The following FBP2 variants were observed in gnomAD, a reference collection of about 807,000 sequenced individuals.
FBP2 encodes fructose-1,6-bisphosphatase isozyme 2.
Under a neutral mutation model 31.6 loss-of-function variants are expected in FBP2, and 27 were observed. The ratio of observed to expected loss-of-function variants is 0.85; its 90% CI spans 0.63 to 1.18. FBP2 has a LOEUF of 1.18. Ranked by LOEUF, FBP2 falls within the 50% of genes most tolerant of loss-of-function variation. FBP2 has a pLI of 0.00. For synonymous variants in FBP2, 168 were observed against 179.8 expected, an observed-to-expected ratio of 0.93 and a Z score of 0.53; for missense variants, 421 against 436.1, an observed-to-expected ratio of 0.97 and a Z score of 0.31.
chr9:94,588,817 G>A (rs1427655246), intron 1 of FBP2, among the ~76,000 whole-genome samples: 2 of 151,086 alleles, frequency 1.3e-5, no homozygotes, highest in Admixed American at 6.6e-5. Flanking sequence ...CTCTGCGCCC[G>A]GGTTGGCATG....
chr9:94,565,152 T>A (rs1465527641), intron 5 of FBP2, among the ~76,000 whole-genome samples: 1 of 152,104 alleles, frequency 6.6e-6, no homozygotes, highest in Non-Finnish European at 1.5e-5. Flanking sequence ...GGCAGGTGGA[T>A]CACCTGTGGT....
At chr9:94,581,657 C>T (rs663385) in intron 3 of FBP2, among the ~76,000 whole-genome samples, 136,769 of 152,224 alleles carry the variant, frequency 0.9, 61,534 homozygotes, top group Non-Finnish European at 0.92. Flanking sequence ...ATACTGCCCC[C>T]GGAATACCTT....
chr9:94,567,429 C>T, intron 4 of FBP2, 22 bp from the exon 5 acceptor site: 1 of 1,607,310 alleles, frequency 6.2e-7, no homozygotes, highest in Non-Finnish European at 8.5e-7. Flanking sequence ...AAGAGAGATG[C>T]CAGGAAGAAG....
chr9:94,573,108 T>C (rs529097810), intron 3 of FBP2: 1 of 152,358 alleles, frequency 6.6e-6, no homozygotes, highest in East Asian at 1.9e-4. Flanking sequence ...CAGGATTACA[T>C]ATGTTGGGTA....
Position 94,593,803 on chromosome 9 carries a change from T to C in FBP2, c.-77A>G. 6.7e-7 allele frequency: 1 copy of C among 1,502,798 alleles called. No individual in the cohort carries two copies. The highest frequency in any genetic ancestry group is 9.1e-7 in the Non-Finnish European group (1 of 1,104,000). The allele number at this position is 1,502,798 out of a possible 1,614,324, so 93.1% of individuals were successfully genotyped here. A position where few individuals can be genotyped will look rare whatever the true frequency, so the allele number is the denominator to read the frequency against. ...TTCTGAGGGCTGCAGCTCCGCAGTG[T>C]GGAAGCCGATAAGAAATCTGTGCTG... is the stretch of plus-strand genomic sequence containing the variant. On this transcript the variant is annotated 5_prime_UTR_variant, in exon 1 of 7. Transcript: ENST00000375337.
chr9:94,580,615 CT>C (rs1205253703), intron 3 of FBP2, among the ~76,000 whole-genome samples: 1 of 152,130 alleles, frequency 6.6e-6, no homozygotes, highest in African/African-American at 2.4e-5. Context: ...TGTTTTGAGC[CT>C]TTTAACATCT....
chr9:94,577,075 T>C (rs1827323196), intron 3 of FBP2, among the ~76,000 whole-genome samples: 1 of 152,116 alleles, frequency 6.6e-6, no homozygotes, highest in African/African-American at 2.4e-5. Context: ...GACTGGTGAC[T>C]TGCAAAGGTG....
At chr9:94,588,210 T>C (rs549035889) in intron 1 of FBP2, among the ~76,000 whole-genome samples, 13 of 152,162 alleles carry the variant, frequency 8.5e-5, no homozygotes, top group Non-Finnish European at 1.5e-4. Context: ...CTGGAATGAA[T>C]TAAAATTGCC....
intron 3 of FBP2, among the ~76,000 whole-genome samples, chr9:94,582,805 C>G (rs1827386528): frequency 6.6e-6 from 1 of 151,584 alleles, no homozygotes; most frequent in African/African-American, 2.4e-5. Flanking sequence ...GCCTCGGCCT[C>G]CCAAATTGCT....
chr9:94,567,691 CAGTG>C (rs1411211236), intron 4 of FBP2: 10 of 353,766 alleles, frequency 2.8e-5, no homozygotes, highest in Admixed American at 2.4e-4. Context: ...CTTCCACTGT[CAGTG>C]AGGCTCCTCA....
At chr9:94,586,001 C>T (rs1011222398) in intron 2 of FBP2, among the ~76,000 whole-genome samples, 12 of 152,258 alleles carry the variant, frequency 7.9e-5, no homozygotes, top group African/African-American at 2.2e-4. Flanking sequence ...CCCAAAGCAC[C>T]GGGATTGCAG....
At chr9:94,570,379 C>T (rs1827254579) in intron 4 of FBP2, 1 of 152,216 alleles carries the variant, frequency 6.6e-6, no homozygotes. Context: ...GCGCAAGTTA[C>T]TCACTCTCTC....
intron 1 of FBP2, among the ~76,000 whole-genome samples, 194 bp downstream of exon 1, chr9:94,593,363 C>T (rs551182362): frequency 2.0e-5 from 3 of 152,310 alleles, no homozygotes; most frequent in East Asian, 1.9e-4. Context: ...AGCATGTTTT[C>T]GTTCCTTTCT....
chr9:94,559,865 G>A (rs1020048224), intron 6 of FBP2, among the ~76,000 whole-genome samples: 4 of 152,150 alleles, frequency 2.6e-5, no homozygotes, highest in East Asian at 1.9e-4. Flanking sequence ...TGTTGGCTCC[G>A]GCCTGTAATC....
intron 6 of FBP2, among the ~76,000 whole-genome samples, chr9:94,562,336 T>C (rs7037602): frequency 3.4e-5 from 5 of 145,010 alleles, no homozygotes; most frequent in Admixed American, 2.1e-4. Flanking sequence ...AAAAAAAGAA[T>C]GTCCATTGTC....
intron 3 of FBP2, 57 bp downstream of exon 3, chr9:94,584,520 G>T: frequency 8.8e-7 from 1 of 1,137,908 alleles, no homozygotes; most frequent in Non-Finnish European, 1.3e-6. Context: ...TTCAGCCCAG[G>T]AACCTTCCAG....
chr9:94,559,571 G>T (rs988547353), intron 6 of FBP2, among the ~76,000 whole-genome samples: 32 of 150,730 alleles, frequency 2.1e-4, no homozygotes, highest in Non-Finnish European at 3.8e-4. Flanking sequence ...ATGCCGGCTT[G>T]TCTCTCTGGG....
At position 94,586,147 on chromosome 9, in the gene FBP2, G is replaced by A. The variant is rs530759271; in HGVS notation, c.333+1160C>T. ...TCCCAGCACTTTGGGAGCCTGAGGC[G>A]GGTGGATCACCTGAGGTCAGAGTTC... On this transcript the variant is annotated intron_variant, in intron 2 of 6. Transcript: ENST00000375337. Among the ~76,000 whole-genome samples the A allele has an allele frequency of 2.8e-4, 42 of 152,260 alleles. No individual in the cohort carries two copies. In the East Asian group the frequency reaches 6.8e-3, roughly 25 times the overall value.
At chr9:94,578,347 CAG>C (rs1401155857) in intron 3 of FBP2, among the ~76,000 whole-genome samples, 3 of 152,084 alleles carry the variant, frequency 2.0e-5, no homozygotes, top group Non-Finnish European at 4.4e-5. Context: ...AAATGGTTAA[CAG>C]GGAAATAACT....
Sources: gnomAD v4.1 joint callset for allele counts (sites outside exome capture counted in the v4.1 genomes callset) on GRCh38, gnomAD v4.1.1 for gene constraint, MANE v1.5 for transcripts, NCBI Gene and HGNC (gene_info 2026-07-23, HGNC 2026-07-21) for gene names.